Variants in CACNA2D3 observed in about 807,000 individuals in gnomAD.
CACNA2D3 encodes calcium voltage-gated channel auxiliary subunit alpha2delta 3.
CACNA2D3 carries 60 observed loss-of-function variants against 160.6 expected under a neutral mutation model. The ratio of observed to expected loss-of-function variants is 0.37; its 90% CI spans 0.30 to 0.46. The LOEUF (loss-of-function observed/expected upper bound fraction) is 0.46, where lower values mean the gene tolerates loss of function less well. Ranked by LOEUF, CACNA2D3 falls within the 20% of genes least tolerant of loss-of-function variation. CACNA2D3 has a pLI of 1.00. For synonymous variants in CACNA2D3, 558 were observed against 492.9 expected (o/e 1.13, Z -1.75); for missense variants, 1,205 against 1,365.0 (o/e 0.88, Z 1.85).
chr3:54,347,096 G>A lies in CACNA2D3; in HGVS notation c.321+26538G>A, dbSNP rs573563155. Among the ~76,000 whole-genome samples, 6 of 152,342 alleles carry A rather than the reference G, an allele frequency of 3.9e-5. No homozygotes were observed. In the East Asian group the frequency reaches 1.2e-3, roughly 29 times the overall value. On this transcript the variant is annotated intron_variant, in intron 3 of 37. Transcript: ENST00000474759. ...TATTGTTCATGGCAGGGGACACATT[G>A]CAATGTTGATGGAGCCTTGACCACA...
At chr3:54,681,696 C>T (rs1700354930) in intron 11 of CACNA2D3, among the ~76,000 whole-genome samples, 3 of 151,838 alleles carry the variant, frequency 2.0e-5, no homozygotes, top group Admixed American at 1.3e-4. Context: ...TTTGTTTTTG[C>T]TTTCTGAAAC....
At chr3:54,310,421 A>T (rs1287257190) in intron 2 of CACNA2D3, among the ~76,000 whole-genome samples, 1 of 152,200 alleles carries the variant, frequency 6.6e-6, no homozygotes, top group Non-Finnish European at 1.5e-5. Flanking sequence ...GTAAGGAGAG[A>T]CTGCAGAATT....
chr3:54,477,134 G>C (rs887442240), intron 4 of CACNA2D3, among the ~76,000 whole-genome samples: 2 of 152,284 alleles, frequency 1.3e-5, no homozygotes, highest in South Asian at 4.1e-4. Context: ...ACTTGGGCTT[G>C]TGGGAATGAT....
chr3:54,210,349 A>G (rs1226224049), intron 2 of CACNA2D3, among the ~76,000 whole-genome samples: 4 of 152,182 alleles, frequency 2.6e-5, no homozygotes, highest in Non-Finnish European at 5.9e-5. Context: ...TTCTTAGGTA[A>G]TAAGATTGCC....
intron 17 of CACNA2D3, among the ~76,000 whole-genome samples, chr3:54,868,763 A>G (rs1399692862): frequency 6.6e-6 from 1 of 152,206 alleles, no homozygotes; most frequent in Non-Finnish European, 1.5e-5. Flanking sequence ...CAGAATGGTG[A>G]CCAGTAAAAT....
At chr3:54,351,804 G>A (rs184550945) in intron 3 of CACNA2D3, among the ~76,000 whole-genome samples, 2 of 152,248 alleles carry the variant, frequency 1.3e-5, no homozygotes, top group East Asian at 1.9e-4. Context: ...TTCCTTGCTC[G>A]GCTCTCTTTC....
At chr3:54,797,007 CTTAG>C (rs1196877780) in intron 13 of CACNA2D3, among the ~76,000 whole-genome samples, 9 of 152,258 alleles carry the variant, frequency 5.9e-5, no homozygotes, top group East Asian at 3.9e-4. Context: ...CCCTAAGCCA[CTTAG>C]TTAGAGCAGA....
intron 3 of CACNA2D3, among the ~76,000 whole-genome samples, chr3:54,333,554 C>T (rs890851720): frequency 3.3e-5 from 5 of 151,934 alleles, no homozygotes; most frequent in Admixed American, 3.3e-4. Flanking sequence ...TCCTCTCTTC[C>T]AGCCAAATGC....
chr3:55,043,920 G>A (rs358500), intron 35 of CACNA2D3, among the ~76,000 whole-genome samples: 35,578 of 151,946 alleles, frequency 0.23, 5,492 homozygotes, highest in African/African-American at 0.44. Flanking sequence ...TGAAATTCCA[G>A]TGACTATATA....
chr3:54,373,548 A>G (rs1489732739), intron 3 of CACNA2D3, among the ~76,000 whole-genome samples: 2 of 152,236 alleles, frequency 1.3e-5, no homozygotes, highest in Non-Finnish European at 2.9e-5. Context: ...TTAAGGATAC[A>G]GTAGAAAGAA....
chr3:54,888,455 T>C (rs1699979443), intron 24 of CACNA2D3, among the ~76,000 whole-genome samples: 2 of 152,114 alleles, frequency 1.3e-5, no homozygotes, highest in Non-Finnish European at 2.9e-5. Flanking sequence ...GGGTGTTAGA[T>C]ATAACCCTGT....
At chr3:54,131,051 C>T (rs1218890514) in intron 2 of CACNA2D3, among the ~76,000 whole-genome samples, 4 of 152,364 alleles carry the variant, frequency 2.6e-5, no homozygotes, top group South Asian at 4.1e-4. Flanking sequence ...CTGTGCCTGG[C>T]ACATTGGCTC....
At chr3:54,425,928 C>T (rs1699906017) in intron 4 of CACNA2D3, among the ~76,000 whole-genome samples, 1 of 152,204 alleles carries the variant, frequency 6.6e-6, no homozygotes, top group African/African-American at 2.4e-5. Context: ...CTTTGGTAGC[C>T]CAGATTTCAT....
chr3:54,464,157 C>T (rs1370336458), intron 4 of CACNA2D3, among the ~76,000 whole-genome samples: 1 of 151,902 alleles, frequency 6.6e-6, no homozygotes, highest in African/African-American at 2.4e-5. Flanking sequence ...AGTACCCAGC[C>T]GTGTGAGGTG....
chr3:54,844,307 G>C (rs1189578846), intron 16 of CACNA2D3, among the ~76,000 whole-genome samples: 5 of 152,260 alleles, frequency 3.3e-5, no homozygotes, highest in Admixed American at 3.3e-4. Flanking sequence ...CAACCGTAGA[G>C]AAAGGGATTT....
intron 6 of CACNA2D3, 133 bp downstream of exon 6, chr3:54,563,064 T>C (rs1456470381): frequency 2.4e-6 from 2 of 818,956 alleles, no homozygotes; most frequent in Non-Finnish European, 3.7e-6. Context: ...TCCAAACCTA[T>C]TGTCAGGGTG....
At chr3:54,142,652 C>T (rs115275019) in intron 2 of CACNA2D3, among the ~76,000 whole-genome samples, 2,876 of 152,236 alleles carry the variant, frequency 0.019, 83 homozygotes, top group African/African-American at 0.062. Context: ...TAAGCCCAGA[C>T]AGCATTCAGA....
chr3:54,882,174 C>T (rs1699814172), intron 21 of CACNA2D3, among the ~76,000 whole-genome samples: 1 of 152,238 alleles, frequency 6.6e-6, no homozygotes, highest in Admixed American at 6.5e-5. Context: ...CTAGAATTTT[C>T]TGCCTCTGTG....
At chr3:54,524,233 T>G (rs1339937590) in intron 5 of CACNA2D3, among the ~76,000 whole-genome samples, 1 of 152,168 alleles carries the variant, frequency 6.6e-6, no homozygotes, top group African/African-American at 2.4e-5. Flanking sequence ...TATTTTGTTA[T>G]TTGTCATTTG....
Sources: allele counts gnomAD v4.1 joint callset (sites outside exome capture counted in the v4.1 genomes callset), GRCh38; gene constraint gnomAD v4.1.1; transcripts MANE v1.5; gene names NCBI Gene and HGNC (gene_info 2026-07-23, HGNC 2026-07-21).